The following CA8 variants were observed in gnomAD, a reference collection of about 807,000 sequenced individuals.
The protein encoded by CA8 is carbonic anhydrase 8 (inactive), also known as carbonic anhydrase-related protein.
A neutral mutation model predicts 41.4 loss-of-function variants in CA8; 22 were observed. That is an observed-to-expected ratio of 0.53 (90% CI 0.38 to 0.76). CA8 has a LOEUF of 0.76. CA8 is among the 30% of genes least tolerant of loss of function. The pLI is 0.00. For synonymous variants in CA8, 121 were observed against 130.6 expected, an observed-to-expected ratio of 0.93 and a Z score of 0.50; for missense variants, 270 against 352.8, an observed-to-expected ratio of 0.77 and a Z score of 1.88.
chr8:60,201,704 T>C (rs1483513501), intron 8 of CA8, among the ~76,000 whole-genome samples: 1 of 152,164 alleles, frequency 6.6e-6, no homozygotes, highest in Non-Finnish European at 1.5e-5. Context: ...TTCCAAATAA[T>C]TCCAAGATAA....
chr8:60,196,229 ATAGC>A (rs1806277115), intron 8 of CA8, among the ~76,000 whole-genome samples: 1 of 152,178 alleles, frequency 6.6e-6, no homozygotes, highest in African/African-American at 2.4e-5. Context: ...GGAAAAATCT[ATAGC>A]TAGTCAAAAT....
At chr8:60,264,027 A>C (rs1299560836) in intron 3 of CA8, among the ~76,000 whole-genome samples, 1 of 152,252 alleles carries the variant, frequency 6.6e-6, no homozygotes, top group Non-Finnish European at 1.5e-5. Context: ...TCCTAAATAC[A>C]AATATTTCTG....
At chr8:60,206,596 C>T (rs1259627953) in intron 8 of CA8, among the ~76,000 whole-genome samples, 1 of 150,334 alleles carries the variant, frequency 6.7e-6, no homozygotes, top group African/African-American at 2.5e-5. Flanking sequence ...TTGGCCTCTC[C>T]TGTGAACACA....
rs187114674 is a variant in CA8 at position 60,259,814 on chromosome 8, C to T, written c.417+6111G>A. ...CTTCTGGAGAGGCCACTGCACAAGG[C>T]TCTAACGCCTTCATCTGTTTATACA... On this transcript the variant is annotated intron_variant, in intron 3 of 8. Transcript: ENST00000317995. Among the ~76,000 whole-genome samples the T allele has an allele frequency of 1.7e-3, 260 of 150,796 alleles. 1 individual carries two copies. The highest frequency in any genetic ancestry group is 6.2e-3 in the Admixed American group (94 of 15,160).
At chr8:60,266,815 T>C (rs927682327) in intron 2 of CA8, among the ~76,000 whole-genome samples, 3 of 152,206 alleles carry the variant, frequency 2.0e-5, no homozygotes, top group Non-Finnish European at 4.4e-5. Context: ...CCTGACAGCA[T>C]ATGTACAAAC....
intron 7 of CA8, among the ~76,000 whole-genome samples, chr8:60,219,441 C>A (rs1339527643): frequency 1.3e-5 from 2 of 152,212 alleles, no homozygotes; most frequent in Non-Finnish European, 1.5e-5. Context: ...CAGGCATGAG[C>A]CACCGCGCCC....
chr8:60,196,227 C>A (rs1016122251), intron 8 of CA8, among the ~76,000 whole-genome samples: 27 of 152,236 alleles, frequency 1.8e-4, no homozygotes, highest in African/African-American at 6.0e-4. Flanking sequence ...ATGGAAAAAT[C>A]TATAGCTAGT....
intron 8 of CA8, among the ~76,000 whole-genome samples, chr8:60,190,703 A>T (rs1806095631): frequency 1.3e-5 from 2 of 150,306 alleles, no homozygotes; most frequent in Non-Finnish European, 3.0e-5. Context: ...GGAACTTATA[A>T]TAGACATATA....
chr8:60,235,347 G>C (rs1243009447), intron 3 of CA8, among the ~76,000 whole-genome samples: 1 of 152,064 alleles, frequency 6.6e-6, no homozygotes, highest in Non-Finnish European at 1.5e-5. Context: ...AGTGGATTAG[G>C]GCATGCCTAA....
intron 7 of CA8, among the ~76,000 whole-genome samples, chr8:60,214,695 A>G (rs757018629): frequency 7.2e-5 from 11 of 152,202 alleles, no homozygotes; most frequent in Non-Finnish European, 1.3e-4. Context: ...CAGGCTGAGC[A>G]CATGCCAGGC....
At chr8:60,250,520 C>A (rs1808405560) in intron 3 of CA8, among the ~76,000 whole-genome samples, 1 of 152,158 alleles carries the variant, frequency 6.6e-6, no homozygotes, top group African/African-American at 2.4e-5. Flanking sequence ...GGTTCTAACA[C>A]CCGTTCTTTT....
At chr8:60,194,580 T>C (rs1457632681) in intron 8 of CA8, among the ~76,000 whole-genome samples, 1 of 152,150 alleles carries the variant, frequency 6.6e-6, no homozygotes, top group Non-Finnish European at 1.5e-5. Flanking sequence ...AAGACAAGTA[T>C]CTCCAGTCCA....
At chr8:60,246,459 A>AT (rs998640325) in intron 3 of CA8, among the ~76,000 whole-genome samples, 120 of 145,336 alleles carry the variant, frequency 8.3e-4, no homozygotes, top group East Asian at 2.0e-3. Flanking sequence ...TGTCTGGCTA[A>AT]TTTTTTTTTT....
At chr8:60,246,449 T>C (rs1203946462) in intron 3 of CA8, among the ~76,000 whole-genome samples, 1 of 151,964 alleles carries the variant, frequency 6.6e-6, no homozygotes, top group Non-Finnish European at 1.5e-5. Flanking sequence ...TGCACCACCA[T>C]GTCTGGCTAA....
intron 2 of CA8, among the ~76,000 whole-genome samples, chr8:60,278,856 T>C (rs144556331): frequency 1.1e-3 from 173 of 152,372 alleles, no homozygotes; most frequent in African/African-American, 4.0e-3. Context: ...GAATTAATTT[T>C]CGAGCACAGT....
chr8:60,252,343 C>T (rs1379978670), intron 3 of CA8, among the ~76,000 whole-genome samples: 1 of 152,170 alleles, frequency 6.6e-6, no homozygotes, highest in African/African-American at 2.4e-5. Flanking sequence ...CTCGGAAACT[C>T]AGGCAGAGGC....
intron 8 of CA8, among the ~76,000 whole-genome samples, chr8:60,196,638 T>C (rs1273750970): frequency 6.6e-6 from 1 of 152,220 alleles, no homozygotes; most frequent in African/African-American, 2.4e-5. Context: ...AATCACTCTA[T>C]AAATACAATG....
chr8:60,279,897 ATAAAT>A lies in CA8; in HGVS notation c.101-22_101-18del. The A allele has an allele frequency of 6.3e-7, 1 of 1,585,218 alleles. No homozygotes were observed. The highest frequency in any genetic ancestry group is 8.6e-7 in the Non-Finnish European group (1 of 1,163,956). ...ACTCAACACCTAAGAACAAAATGAA[ATAAAT>A]TAAAAACAGGTTAAAAAATAAATTA... On this transcript the variant is annotated intron_variant, in intron 1 of 8. Coordinates refer to ENST00000317995, the MANE Select transcript of CA8 (RefSeq NM_004056.6).
chr8:60,196,214 A>C (rs11778794), intron 8 of CA8, among the ~76,000 whole-genome samples: 42,178 of 152,090 alleles, frequency 0.28, 6,079 homozygotes, highest in Middle Eastern at 0.41. Flanking sequence ...AAAAAATTAA[A>C]CAATGGAAAA....
Sources: gnomAD v4.1 joint callset for allele counts (sites outside exome capture counted in the v4.1 genomes callset) on GRCh38, gnomAD v4.1.1 for gene constraint, MANE v1.5 for transcripts, NCBI Gene and HGNC (gene_info 2026-07-23, HGNC 2026-07-21) for gene names.